The following EIF3H variants were observed in gnomAD, a reference collection of about 807,000 sequenced individuals.
EIF3H encodes the protein eukaryotic translation initiation factor 3 subunit H, also known as eIF-3-gamma.
Under a neutral mutation model 44.2 loss-of-function variants are expected in EIF3H, and 26 were observed. The ratio of observed to expected loss-of-function variants is 0.59; its 90% CI spans 0.43 to 0.82. The LOEUF is 0.82. Among genes scored for constraint, EIF3H ranks in the 40% least tolerant of loss-of-function variants. The probability of loss-of-function intolerance (pLI) is 0.00; values close to 1 mark genes in which losing one functional copy is unlikely to be tolerated. For synonymous variants in EIF3H, 166 were observed against 151.9 expected (o/e 1.09, Z -0.68); for missense variants, 359 against 432.8 (o/e 0.83, Z 1.51).
chr8:116,764,525 T>C (rs561604878), intron 1 of EIF3H, among the ~76,000 whole-genome samples: 208 of 152,332 alleles, frequency 1.4e-3, no homozygotes, highest in Non-Finnish European at 2.2e-3. Context: ...TTGTAATAAA[T>C]GTCACTTCCT....
Position 116,755,775 on chromosome 8 carries a change from G to A in EIF3H, c.23C>T (p.Thr8Ile), listed in dbSNP as rs529868101. MASRKEG[T>I]GSTATSSSST... ...GCTGGAAGAGGTGGCAGTAGAGCCG[G>A]TACCTTCCTTGCGGGACGCCATCTT... The change falls in exon 1 of 8, where the codon ACC becomes ATC. Residue 8 changes from threonine to isoleucine, a missense_variant. Thr to Ile is a moderately conservative substitution (Grantham distance 89, BLOSUM62 -1). Transcript: ENST00000521861. 1.2e-5 allele frequency: 19 copies of A among 1,613,868 alleles called. No individual in the cohort carries two copies. Among genetic ancestry groups the A allele is most frequent in the Non-Finnish European group, 1.5e-5 (18 of 1,180,046 alleles).
chr8:116,720,115 A>AT lies in EIF3H; in HGVS notation c.289+5900dup, dbSNP rs771312455. On this transcript the variant is annotated intron_variant, in intron 2 of 7. Transcript: ENST00000521861. ...CTTCAACTGTGCAGATTAACAACTA[A>AT]TCATAGGCAATTTATATAAGTACAC... 7.3e-4 allele frequency among the ~76,000 whole-genome samples: 111 copies of AT among 152,338 alleles called. 1 individual carries two copies. The highest frequency in any genetic ancestry group is 9.3e-4 in the Non-Finnish European group (63 of 68,022).
chr8:116,703,298 T>C (rs1451069285), intron 2 of EIF3H, among the ~76,000 whole-genome samples: 1 of 152,132 alleles, frequency 6.6e-6, no homozygotes, highest in Non-Finnish European at 1.5e-5. Flanking sequence ...GAGGGCTCCC[T>C]GGTCTAGTGG....
At chr8:116,709,465 A>G (rs1352115001) in intron 2 of EIF3H, among the ~76,000 whole-genome samples, 2 of 152,136 alleles carry the variant, frequency 1.3e-5, no homozygotes, top group Admixed American at 6.6e-5. Context: ...AAGGGATCAC[A>G]TGTTTTATCA....
chr8:116,693,197 A>G (rs1258589897), intron 2 of EIF3H, among the ~76,000 whole-genome samples: 2 of 152,246 alleles, frequency 1.3e-5, no homozygotes, highest in African/African-American at 4.8e-5. Flanking sequence ...AAATAATCAA[A>G]TAGACCTAAA....
At chr8:116,752,470 C>T (rs532679423) in intron 1 of EIF3H, among the ~76,000 whole-genome samples, 18 of 151,914 alleles carry the variant, frequency 1.2e-4, no homozygotes, top group African/African-American at 4.3e-4. Context: ...ATTCTCACAA[C>T]CCTTATGAGT....
chr8:116,734,730 C>T (rs899246749), intron 1 of EIF3H, among the ~76,000 whole-genome samples: 1 of 151,808 alleles, frequency 6.6e-6, no homozygotes, highest in African/African-American at 2.4e-5. Flanking sequence ...TAAGTTTGTT[C>T]TGTATTTCTA....
chr8:116,729,055 A>C (rs1319654917), intron 1 of EIF3H, among the ~76,000 whole-genome samples: 2 of 152,252 alleles, frequency 1.3e-5, no homozygotes, highest in Non-Finnish European at 2.9e-5. Context: ...GACGGGATAA[A>C]CTAAACTGAT....
chr8:116,725,934 C>T, intron 2 of EIF3H, 82 bp downstream of exon 2: 1 of 1,446,112 alleles, frequency 6.9e-7, no homozygotes, highest in Non-Finnish European at 9.2e-7. Context: ...CCAATTCACA[C>T]ATTATCAAAA....
chr8:116,740,536 CAA>C (rs563956490), intron 1 of EIF3H, among the ~76,000 whole-genome samples: 5 of 152,134 alleles, frequency 3.3e-5, no homozygotes, highest in African/African-American at 4.8e-5. Flanking sequence ...CTTTGAATCA[CAA>C]CTTCTGTAAG....
intron 2 of EIF3H, among the ~76,000 whole-genome samples, chr8:116,721,248 G>A (rs188420981): frequency 3.3e-5 from 5 of 152,330 alleles, no homozygotes; most frequent in Admixed American, 2.0e-4. Context: ...TTCAGAGGGC[G>A]CAAGTCCCAA....
At chr8:116,667,563 C>T (rs1330156050) in intron 2 of EIF3H, among the ~76,000 whole-genome samples, 1 of 151,552 alleles carries the variant, frequency 6.6e-6, no homozygotes, top group Non-Finnish European at 1.5e-5. Flanking sequence ...ACAATCTGTA[C>T]ATTTCAAACT....
At chr8:116,659,076 C>A in intron 2 of EIF3H, 96 bp from the exon 3 acceptor site, 3 of 1,046,218 alleles carry the variant, frequency 2.9e-6, no homozygotes, top group Non-Finnish European at 4.0e-6. Flanking sequence ...GTCTACATAA[C>A]AATTTATTAG....
chr8:116,688,100 A>AAG (rs1194999603), intron 2 of EIF3H, among the ~76,000 whole-genome samples: 1 of 152,172 alleles, frequency 6.6e-6, no homozygotes, highest in Non-Finnish European at 1.5e-5. Flanking sequence ...GGAAAATTGT[A>AAG]GAAACATACC....
chr8:116,751,137 G>A (rs1043729176), intron 1 of EIF3H, among the ~76,000 whole-genome samples: 16 of 151,756 alleles, frequency 1.1e-4, no homozygotes, highest in African/African-American at 2.4e-4. Context: ...GCGTGAACCC[G>A]GGAGGCGGAG....
intron 2 of EIF3H, among the ~76,000 whole-genome samples, chr8:116,714,146 A>G (rs1182000642): frequency 6.6e-6 from 1 of 152,256 alleles, no homozygotes; most frequent in South Asian, 2.1e-4. Flanking sequence ...AAATATATAC[A>G]TATTAGTTTG....
At chr8:116,696,868 C>T (rs1814277029) in intron 2 of EIF3H, among the ~76,000 whole-genome samples, 1 of 152,100 alleles carries the variant, frequency 6.6e-6, no homozygotes, top group Admixed American at 6.5e-5. Context: ...AACAGCCCTG[C>T]ACACACAAAA....
chr8:116,744,122 A>G (rs1815188183), intron 1 of EIF3H, among the ~76,000 whole-genome samples: 1 of 151,898 alleles, frequency 6.6e-6, no homozygotes, highest in African/African-American at 2.4e-5. Context: ...CGATACCAGA[A>G]GCCTTCATGA....
rs548313340 is a variant in EIF3H at position 116,642,158 on chromosome 8, T to G, written c.*2848A>C. ...GGTTGAGAAGTGTTTATTGTAAAAATGGAGTTTATAATGAAAATAAAAAAT... is the reference window on the plus strand; with the variant it reads ...GGTTGAGAAGTGTTTATTGTAAAAAGGGAGTTTATAATGAAAATAAAAAAT... On this transcript the variant is annotated 3_prime_UTR_variant, in exon 8 of 8. Coordinates refer to ENST00000521861, the MANE Select transcript of EIF3H (RefSeq NM_003756.3). The G allele has an allele frequency of 2.0e-5, 3 of 152,268 alleles. No homozygotes were observed. In the East Asian group the frequency reaches 5.8e-4, roughly 29 times the overall value. The allele number at this position is 152,268 out of a possible 1,614,324, so 9.4% of individuals were successfully genotyped here. A position where few individuals can be genotyped will look rare whatever the true frequency, so the allele number is the denominator to read the frequency against.
Sources: allele counts gnomAD v4.1 joint callset (sites outside exome capture counted in the v4.1 genomes callset), GRCh38; gene constraint gnomAD v4.1.1; transcripts MANE v1.5; gene names NCBI Gene and HGNC (gene_info 2026-07-23, HGNC 2026-07-21).